The following EYS variants were observed in gnomAD, a reference collection of about 807,000 sequenced individuals.
EYS encodes protein eyes shut homolog.
A neutral mutation model predicts 282.1 loss-of-function variants in EYS; 250 were observed. The ratio of observed to expected loss-of-function variants is 0.89; its 90% CI spans 0.80 to 0.98. The LOEUF (loss-of-function observed/expected upper bound fraction) is 0.98. EYS is among the 50% of genes least tolerant of loss of function. The pLI is 0.00. For missense variants in EYS, 4,016 were observed against 3,709.0 expected (o/e 1.08, Z -2.15); for synonymous variants, 1,355 against 1,282.9 (o/e 1.06, Z -1.20).
intron 33 of EYS, among the ~76,000 whole-genome samples, chr6:64,010,713 A>T (rs537226919): frequency 3.3e-5 from 5 of 152,012 alleles, no homozygotes; most frequent in Non-Finnish European, 5.9e-5. Context: ...TGCTGTGCCC[A>T]ACCCTACCTG....
chr6:64,937,166 C>T (rs1768935582), intron 15 of EYS, among the ~76,000 whole-genome samples: 1 of 151,090 alleles, frequency 6.6e-6, no homozygotes, highest in Non-Finnish European at 1.5e-5. Context: ...TGGATTATAT[C>T]TCAATATAAG....
rs115648187 is a variant in EYS at position 63,838,897 on chromosome 6, C to T, written c.7228+25289G>A. ...TCCATGAGTTTGAATACTATTTATA[C>T]GCTGACAATACCCAATTTTTTCTTT... On this transcript the variant is annotated intron_variant, in intron 36 of 42. Coordinates refer to ENST00000503581, the MANE Select transcript of EYS (RefSeq NM_001142800.2). Among the ~76,000 whole-genome samples, 1,220 of 152,212 alleles carry T rather than the reference C, an allele frequency of 8.0e-3. 9 individuals are homozygous for T. The highest frequency in any genetic ancestry group is 0.024 in the African/African-American group (1,013 of 41,548).
rs1033640264 is a variant in EYS at position 64,363,870 on chromosome 6, A to G, written c.6078+24820T>C. On this transcript the variant is annotated intron_variant, in intron 29 of 42. Coordinates refer to ENST00000503581, the MANE Select transcript of EYS (RefSeq NM_001142800.2). ...GTATATCTACTGAAGATTTATAAAG[A>G]CCAAAGGGAGGCAGAATAAGTGTAG... Among the ~76,000 whole-genome samples the G allele has an allele frequency of 2.2e-4, 33 of 151,912 alleles. 1 individual carries two copies. The highest frequency in any genetic ancestry group is 2.1e-3 in the Admixed American group (32 of 15,214).
intron 8 of EYS, among the ~76,000 whole-genome samples, chr6:65,364,560 A>C (rs1484908416): frequency 6.6e-6 from 1 of 151,428 alleles, no homozygotes; most frequent in African/African-American, 2.4e-5. Flanking sequence ...ACTTCTTATG[A>C]TATCCTTCTC....
At chr6:64,642,660 G>C (rs916340108) in intron 22 of EYS, among the ~76,000 whole-genome samples, 2 of 152,090 alleles carry the variant, frequency 1.3e-5, no homozygotes, top group African/African-American at 4.8e-5. Context: ...GAGTAGCCAG[G>C]GTTCCTGCCA....
intron 2 of EYS, among the ~76,000 whole-genome samples, chr6:65,511,359 G>T (rs1415401573): frequency 1.3e-5 from 2 of 151,270 alleles, no homozygotes; most frequent in Non-Finnish European, 2.9e-5. Flanking sequence ...GTGTGTGTGT[G>T]TGTGTGTGAG....
chr6:65,138,322 CAT>C (rs1234922624), intron 12 of EYS, among the ~76,000 whole-genome samples: 8 of 152,074 alleles, frequency 5.3e-5, no homozygotes, highest in Non-Finnish European at 1.0e-4. Flanking sequence ...ACAATCTTCA[CAT>C]GTCTGCTTCT....
At chr6:64,947,498 A>G (rs1271294361) in intron 14 of EYS, among the ~76,000 whole-genome samples, 1 of 151,780 alleles carries the variant, frequency 6.6e-6, no homozygotes, top group Non-Finnish European at 1.5e-5. Context: ...TGACACATAT[A>G]CTAGTCTCCA....
chr6:64,507,991 T>C (rs1777267421), intron 26 of EYS, among the ~76,000 whole-genome samples: 1 of 152,210 alleles, frequency 6.6e-6, no homozygotes, highest in South Asian at 2.1e-4. Context: ...AGGTGTTCTG[T>C]AATTTTACTG....
At chr6:64,202,196 T>TC (rs1369570270) in intron 31 of EYS, among the ~76,000 whole-genome samples, 1 of 152,198 alleles carries the variant, frequency 6.6e-6, no homozygotes, top group Admixed American at 6.5e-5. Context: ...CCATGTGCTT[T>TC]CCTTTGTTGG....
intron 22 of EYS, among the ~76,000 whole-genome samples, chr6:64,687,574 T>C (rs1316377302): frequency 6.6e-6 from 1 of 152,226 alleles, no homozygotes; most frequent in Non-Finnish European, 1.5e-5. Context: ...TGAAGCCAAC[T>C]TGATTATGGT....
intron 22 of EYS, among the ~76,000 whole-genome samples, chr6:64,689,885 C>T (rs943997775): frequency 2.6e-5 from 4 of 152,140 alleles, no homozygotes; most frequent in Non-Finnish European, 5.9e-5. Context: ...TGGAAGAAAA[C>T]CTAAGCAATA....
intron 35 of EYS, among the ~76,000 whole-genome samples, chr6:63,950,133 C>CT (rs1765527864): frequency 6.6e-6 from 1 of 151,470 alleles, no homozygotes; most frequent in African/African-American, 2.4e-5. Context: ...GATCACACCA[C>CT]TGCACTCCAG....
intron 38 of EYS, among the ~76,000 whole-genome samples, chr6:63,788,621 A>G (rs930924834): frequency 3.9e-5 from 6 of 152,174 alleles, no homozygotes; most frequent in Non-Finnish European, 7.3e-5. Flanking sequence ...GTAGCTCTTC[A>G]TAGTTCTTTA....
chr6:65,621,682 C>G (rs917760946), intron 2 of EYS, among the ~76,000 whole-genome samples: 4 of 151,842 alleles, frequency 2.6e-5, no homozygotes, highest in African/African-American at 9.7e-5. Flanking sequence ...GATTTTGCAG[C>G]GGCTGGTATT....
chr6:65,329,939 A>T (rs1769735289), intron 11 of EYS: 4 of 975,976 alleles, frequency 4.1e-6, no homozygotes. Flanking sequence ...ACTGAAAATT[A>T]TGTTTTGGAT....
At chr6:65,308,936 C>A (rs181320521) in intron 11 of EYS, among the ~76,000 whole-genome samples, 1,549 of 152,000 alleles carry the variant, frequency 0.01, 12 homozygotes, top group Non-Finnish European at 0.014. Flanking sequence ...GCGAATCAAA[C>A]CTTTTGGTGT....
rs1772429862 is a variant in EYS at position 63,857,661 on chromosome 6, T to C, written c.7228+6525A>G. ...GGAGCTGGAGACTTGAACTGGATGCTACTCAAGCACTACTTGTTTGCCAAT... is the reference window on the plus strand; with the variant it reads ...GGAGCTGGAGACTTGAACTGGATGCCACTCAAGCACTACTTGTTTGCCAAT... On this transcript the variant is annotated intron_variant, in intron 36 of 42. Transcript: ENST00000503581. The C allele has an allele frequency of 2.2e-5, 10 of 450,694 alleles. No homozygotes were observed. The Admixed American group carries it at 2.2e-4, about 10-fold the overall frequency. The allele number at this position is 450,694 out of a possible 1,614,324, so 27.9% of individuals were successfully genotyped here.
intron 35 of EYS, among the ~76,000 whole-genome samples, chr6:63,973,072 G>T (rs1279873250): frequency 6.6e-6 from 1 of 152,010 alleles, no homozygotes; most frequent in African/African-American, 2.4e-5. Flanking sequence ...TATATACCCA[G>T]TAATAGGATT....
Sources: gnomAD v4.1 joint callset for allele counts (sites outside exome capture counted in the v4.1 genomes callset) on GRCh38, gnomAD v4.1.1 for gene constraint, MANE v1.5 for transcripts, NCBI Gene and HGNC (gene_info 2026-07-23, HGNC 2026-07-21) for gene names.